DHX30: variants seen among roughly 807,000 people sequenced by gnomAD.
DHX30 encodes ATP-dependent RNA helicase DHX30.
A neutral mutation model predicts 116.9 loss-of-function variants in DHX30; 4 were observed. The observed-to-expected ratio is 0.03, with a 90% CI of 0.02 to 0.08. DHX30 has a LOEUF of 0.08. Ranked by LOEUF, DHX30 falls within the 10% of genes least tolerant of loss-of-function variation. The pLI is 1.00. For synonymous variants in DHX30, 697 were observed against 651.7 expected (o/e 1.07, Z -1.06); for missense variants, 871 against 1,595.1 (o/e 0.55, Z 7.73).
chr3:47,814,295 C>T (rs189607193), intron 3 of DHX30, among the ~76,000 whole-genome samples: 10 of 151,026 alleles, frequency 6.6e-5, no homozygotes, highest in Admixed American at 2.0e-4. Context: ...AAAAATCAGC[C>T]GGGCATGGTA....
At chr3:47,846,078 T>G in intron 10 of DHX30, 87 bp from the exon 11 acceptor site, 1 of 1,482,032 alleles carries the variant, frequency 6.7e-7, no homozygotes, top group Non-Finnish European at 9.1e-7. Flanking sequence ...CCACAACATC[T>G]GACCCAGGCG....
chr3:47,847,493 G>T lies in DHX30; in HGVS notation c.2067G>T (p.Gln689His). ...QEIKGVQQRLQEALGMHESKY... is the reference protein window; with the variant it reads ...QEIKGVQQRLHEALGMHESKY... The stretch of plus-strand genomic sequence containing the variant: ...TCAAAGGAGTGCAGCAGCGCCTCCA[G>T]GAGGCCCTGGGCATGCACGAGAGCA... The change falls in exon 13 of 22, where the codon CAG becomes CAT. Residue 689 changes from glutamine to histidine, a missense_variant. Around this residue, in one of 13 missense-constraint regions of DHX30, gnomAD observed 49 missense variants for 60.9 expected, o/e 0.80. Transcript: ENST00000445061. This position sits in a 1 kb window ranked among gnomAD's most constrained non-coding sequence, Gnocchi z 5.5. 1.2e-6 allele frequency: 2 copies of T among 1,612,816 alleles called. No individual in the cohort carries two copies. The highest frequency in any genetic ancestry group is 1.7e-6 in the Non-Finnish European group (2 of 1,179,318).
intron 4 of DHX30, among the ~76,000 whole-genome samples, chr3:47,824,181 T>G (rs1175144141): frequency 6.6e-6 from 1 of 151,916 alleles, no homozygotes; most frequent in East Asian, 1.9e-4. Context: ...TTTTGTATTT[T>G]TAGTAGAGAT....
At chr3:47,818,411 C>T (rs879589335) in intron 4 of DHX30, among the ~76,000 whole-genome samples, 8 of 152,106 alleles carry the variant, frequency 5.3e-5, no homozygotes, top group Admixed American at 1.3e-4. Context: ...ATGGAGAATC[C>T]GCAGGGCTTG....
intron 3 of DHX30, chr3:47,816,359 T>TA (rs1027863468): frequency 2.6e-6 from 2 of 784,016 alleles, no homozygotes; most frequent in African/African-American, 3.7e-5. Context: ...CCGTCTTCTT[T>TA]TTTTTTTTTT....
At position 47,845,827 on chromosome 3, in the gene DHX30, G is replaced by A. The variant is rs1202500573; in HGVS notation, c.1067G>A (p.Arg356His). 6 of 1,608,674 alleles carry A rather than the reference G, an allele frequency of 3.7e-6. No homozygotes were observed. Among genetic ancestry groups the A allele is most frequent in the Admixed American group, 1.7e-5 (1 of 59,844 alleles). ...CTIQVPEPIL[R>H]KIETFLNHYP... ...ATCCAGGTGCCCGAGCCCATCCTCCGCAAGATAGAGACCTTCCTGAACCAT... is the reference window on the plus strand; with the variant it reads ...ATCCAGGTGCCCGAGCCCATCCTCCACAAGATAGAGACCTTCCTGAACCAT... The change falls in exon 10 of 22, where the codon CGC (arginine) becomes CAC (histidine). Residue 356 changes from arginine (R) to histidine (H), a missense_variant. Physicochemically the swap from Arg to His is conservative, Grantham distance 29. This residue lies in a region of DHX30 where 175 missense variants were observed against 292.9 expected (regional missense o/e 0.60). Transcript: ENST00000445061.
intron 6 of DHX30, among the ~76,000 whole-genome samples, chr3:47,832,989 T>G (rs2036932933): frequency 6.7e-6 from 1 of 149,978 alleles, no homozygotes; most frequent in South Asian, 2.2e-4. Flanking sequence ...CCCGCTATGT[T>G]GTCTAGGCTG....
At chr3:47,849,601 G>C (rs746975381) in intron 20 of DHX30, 29 bp from the exon 21 acceptor site, 2 of 1,614,118 alleles carry the variant, frequency 1.2e-6, no homozygotes, top group Admixed American at 3.3e-5. Flanking sequence ...GGTCCAAAAG[G>C]GTGGCCTCAC....
At position 47,848,515 on chromosome 3, in the gene DHX30, C is replaced by T. The variant is rs2037719059; in HGVS notation, c.2540C>T (p.Ala847Val). 1 of 1,613,570 alleles carries T rather than the reference C, an allele frequency of 6.2e-7. No individual in the cohort carries two copies. Among genetic ancestry groups the T allele is most frequent in the Non-Finnish European group, 8.5e-7 (1 of 1,179,950 alleles). The change falls in exon 16 of 22, where the codon GCA becomes GTA. Residue 847 changes from alanine (A) to valine (V), a missense_variant. Ala to Val is a moderately conservative substitution (Grantham distance 64). Transcript: ENST00000445061. This position sits in a 1 kb window ranked among gnomAD's most constrained non-coding sequence, Gnocchi z 9.4. ...SKAVDSPNIK[A>V]VDEAVILLQE... ...GCTGTGGACAGTCCAAACATCAAGG[C>T]AGTGGACGAGGCTGTGATCTTGCTC...
chr3:47,823,230 C>T (rs754372506), intron 4 of DHX30, among the ~76,000 whole-genome samples: 5 of 152,122 alleles, frequency 3.3e-5, no homozygotes, highest in Non-Finnish European at 5.9e-5. Context: ...CTCCCAACCA[C>T]GTCCCTCCCA....
chr3:47,843,147 G>A lies in DHX30; in HGVS notation c.831G>A (p.Leu277=). The A allele has an allele frequency of 6.2e-7, 1 of 1,614,234 alleles. No homozygotes were observed. The highest frequency in any genetic ancestry group is 8.5e-7 in the Non-Finnish European group (1 of 1,180,044). Residue 277 remains leucine (L), a synonymous_variant, in exon 9 of 22, where the codon CTG becomes CTA. Transcript: ENST00000445061. ...QFHTVGTKTK[L]STLTLLWPCP... The stretch of plus-strand genomic sequence containing the variant: ...ATACTGTGGGCACCAAGACCAAGCT[G>A]TCTACACTCACCCTGCTCTGGCCCT...
intron 6 of DHX30, 94 bp from the exon 7 acceptor site, chr3:47,840,783 C>T: frequency 6.6e-7 from 1 of 1,516,994 alleles, no homozygotes; most frequent in Non-Finnish European, 9.0e-7. Context: ...ACCACGGCTG[C>T]ACAACACAAC....
At chr3:47,806,588 G>T (rs1447944957) in intron 2 of DHX30, among the ~76,000 whole-genome samples, 1 of 151,992 alleles carries the variant, frequency 6.6e-6, no homozygotes, top group South Asian at 2.1e-4. Context: ...TGGGACTACA[G>T]GCGTGCACCA....
At chr3:47,842,808 A>G in intron 8 of DHX30, 1 of 292,868 alleles carries the variant, frequency 3.4e-6, no homozygotes, top group Non-Finnish European at 6.4e-6. Flanking sequence ...TTCAACCCAC[A>G]GCTGCCACGA....
At chr3:47,841,280 C>T in intron 7 of DHX30, 102 bp downstream of exon 7, 1 of 1,479,974 alleles carries the variant, frequency 6.8e-7, no homozygotes, top group South Asian at 1.2e-5. Flanking sequence ...AGCGCCCCTG[C>T]CTCACATTTC....
chr3:47,818,187 G>T (rs571572878), intron 4 of DHX30, 70 bp downstream of exon 4: 1 of 735,854 alleles, frequency 1.4e-6, no homozygotes, highest in African/African-American at 1.7e-5. Flanking sequence ...GGCAATGGGA[G>T]CCCTGGTGCC....
Position 47,812,727 on chromosome 3 carries a change from G to T in DHX30, c.28+2016G>T, listed in dbSNP as rs1398151170. ...TGCCCAGGCTGGAGTGCAGTGGCACGAGCTTGGCTCACTGCAACCTCTGCC... is the reference window on the plus strand; with the variant it reads ...TGCCCAGGCTGGAGTGCAGTGGCACTAGCTTGGCTCACTGCAACCTCTGCC... On this transcript the variant is annotated intron_variant, in intron 3 of 21. Coordinates refer to ENST00000445061, the MANE Select transcript of DHX30 (RefSeq NM_138615.3). Among the ~76,000 whole-genome samples, 3 of 148,014 alleles carry T rather than the reference G, an allele frequency of 2.0e-5. No individual in the cohort carries two copies. In the East Asian group the frequency reaches 6.4e-4, roughly 31 times the overall value.
At chr3:47,805,490 A>G in intron 2 of DHX30, 70 bp downstream of exon 2, 1 of 398,464 alleles carries the variant, frequency 2.5e-6, no homozygotes, top group Admixed American at 4.4e-5. Context: ...AACAAGAGGT[A>G]TGTGTTAAAC....
chr3:47,842,786 C>T (rs932284042), intron 8 of DHX30: 5 of 246,170 alleles, frequency 2.0e-5, no homozygotes, highest in Non-Finnish European at 3.9e-5. Context: ...GTTTTTAGCT[C>T]ATGCTGACAG....
Sources: allele counts gnomAD v4.1 joint callset (sites outside exome capture counted in the v4.1 genomes callset), GRCh38; gene constraint gnomAD v4.1.1; regional missense constraint gnomAD v4.1.1; non-coding constraint Gnocchi (gnomAD v3.1); transcripts MANE v1.5; gene names NCBI Gene and HGNC (gene_info 2026-07-23, HGNC 2026-07-21).